ANKRD44: variants seen among roughly 807,000 people sequenced by gnomAD.
ANKRD44 encodes serine/threonine-protein phosphatase 6 regulatory ankyrin repeat subunit B.
A neutral mutation model predicts 116.0 loss-of-function variants in ANKRD44; 35 were observed. The observed-to-expected ratio is 0.30, with a 90% CI of 0.23 to 0.40. The LOEUF (loss-of-function observed/expected upper bound fraction) is 0.40. Ranked by LOEUF, ANKRD44 falls within the 10% of genes least tolerant of loss-of-function variation. The pLI is 1.00. For synonymous variants in ANKRD44, 435 were observed against 461.8 expected, an observed-to-expected ratio of 0.94 and a Z score of 0.74; for missense variants, 1,014 against 1,242.6, an observed-to-expected ratio of 0.82 and a Z score of 2.77.
intron 1 of ANKRD44, among the ~76,000 whole-genome samples, chr2:197,188,580 G>A (rs1456267383): frequency 1.3e-5 from 2 of 152,176 alleles, no homozygotes; most frequent in African/African-American, 2.4e-5. Context: ...GATCATCGCT[G>A]CCTAACCTCC....
chr2:197,189,976 G>A (rs2080783710), intron 1 of ANKRD44, among the ~76,000 whole-genome samples: 1 of 152,152 alleles, frequency 6.6e-6, no homozygotes, highest in African/African-American at 2.4e-5. Flanking sequence ...ACCAAGGAGA[G>A]GCATCCCAAA....
chr2:197,063,455 A>G (rs1284329890), intron 16 of ANKRD44, among the ~76,000 whole-genome samples: 1 of 152,236 alleles, frequency 6.6e-6, no homozygotes, highest in Non-Finnish European at 1.5e-5. Flanking sequence ...TGGACGGAGA[A>G]CGACTTTGAC....
chr2:197,132,004 C>T (rs1299567801), intron 4 of ANKRD44, among the ~76,000 whole-genome samples: 1 of 152,154 alleles, frequency 6.6e-6, no homozygotes, highest in African/African-American at 2.4e-5. Context: ...CACTGGCAGC[C>T]CCAATTCTTG....
intron 1 of ANKRD44, among the ~76,000 whole-genome samples, chr2:197,223,836 A>AT (rs1190361402): frequency 6.6e-6 from 1 of 152,218 alleles, no homozygotes; most frequent in Non-Finnish European, 1.5e-5. Flanking sequence ...TTTGATGGCT[A>AT]TATCTATTTG....
In ANKRD44 at chr2:197,110,766, C is replaced by G. The variant is rs754919453; in HGVS notation, c.985G>C (p.Gly329Arg). 6.2e-7 allele frequency: 1 copy of G among 1,612,394 alleles called. No individual in the cohort carries two copies. The highest frequency in any genetic ancestry group is 1.1e-5 in the South Asian group (1 of 91,030). The change falls in exon 9 of 28, where the codon GGA (glycine) becomes CGA (arginine). Residue 329 changes from glycine (G) to arginine (R), a missense_variant and splice_region_variant. Transcript: ENST00000282272. ...GACACTACTGAAGCATCTCTCTTAC[C>G]ATTCTGAATGAGGGTCTGTGACCGT... ...FTRSQTLIQNGGEIDCVDKDG... is the reference protein window; with the variant it reads ...FTRSQTLIQNRGEIDCVDKDG...
At chr2:197,239,358 A>C (rs1424348872) in intron 1 of ANKRD44, among the ~76,000 whole-genome samples, 2 of 152,048 alleles carry the variant, frequency 1.3e-5, no homozygotes, top group African/African-American at 2.4e-5. Context: ...CAGCCTTCCA[A>C]GTAGCTGGGA....
intron 16 of ANKRD44, among the ~76,000 whole-genome samples, chr2:197,045,579 A>G (rs1240287071): frequency 6.6e-6 from 1 of 152,216 alleles, no homozygotes; most frequent in Admixed American, 6.5e-5. Flanking sequence ...GGAAGAAAGC[A>G]AGAGAGTCTG....
intron 9 of ANKRD44, among the ~76,000 whole-genome samples, chr2:197,108,871 C>CAACAACAAAAAAAA (rs936579634): frequency 6.6e-6 from 1 of 150,566 alleles, no homozygotes; most frequent in African/African-American, 2.5e-5. Flanking sequence ...ACAACAACAA[C>CAACAACAAAAAAAA]AAAAACACAA....
chr2:197,229,519 T>C (rs2081805802), intron 1 of ANKRD44, among the ~76,000 whole-genome samples: 1 of 152,212 alleles, frequency 6.6e-6, no homozygotes, highest in Non-Finnish European at 1.5e-5. Flanking sequence ...ATGAATTAAA[T>C]AACAATAACT....
intron 1 of ANKRD44, among the ~76,000 whole-genome samples, chr2:197,219,000 C>T (rs899175942): frequency 6.7e-6 from 1 of 150,168 alleles, no homozygotes; most frequent in African/African-American, 2.5e-5. Context: ...CATCAGTGAC[C>T]CACCTGCCTT....
At chr2:197,129,807 C>T (rs1409573114) in intron 4 of ANKRD44, among the ~76,000 whole-genome samples, 1 of 152,178 alleles carries the variant, frequency 6.6e-6, no homozygotes, top group Non-Finnish European at 1.5e-5. Context: ...TCTTTACTCT[C>T]AAATGTGCAT....
rs1209075103 is a variant in ANKRD44 at position 196,988,453 on chromosome 2, G to A, written c.*1138C>T. ...TTCAAAAAAACAATGGTGGTGGTGTGGAAAATTTTCAGTGAAATCAATACC... is the reference window on the plus strand; with the variant it reads ...TTCAAAAAAACAATGGTGGTGGTGTAGAAAATTTTCAGTGAAATCAATACC... On this transcript the variant is annotated 3_prime_UTR_variant, in exon 28 of 28. Transcript: ENST00000282272. 2.2e-5 allele frequency: 22 copies of A among 985,172 alleles called. No homozygotes were observed. In the Admixed American group the frequency reaches 1.4e-3, roughly 61 times the overall value. The allele number at this position is 985,172 out of a possible 1,614,324, so 61.0% of individuals were successfully genotyped here. A position where few individuals can be genotyped will look rare whatever the true frequency, so the allele number is the denominator to read the frequency against.
chr2:197,244,643 A>G (rs2082153339), intron 1 of ANKRD44, among the ~76,000 whole-genome samples: 1 of 152,226 alleles, frequency 6.6e-6, no homozygotes. Context: ...AAAAATCACA[A>G]CATTTACAAA....
intron 16 of ANKRD44, among the ~76,000 whole-genome samples, chr2:197,047,864 T>A (rs1445943888): frequency 1.3e-5 from 2 of 151,648 alleles, no homozygotes; most frequent in Non-Finnish European, 2.9e-5. Flanking sequence ...GAGCCAAGAT[T>A]GTGCCATTGC....
chr2:197,002,693 C>A (rs2076134935), intron 21 of ANKRD44, among the ~76,000 whole-genome samples: 1 of 152,130 alleles, frequency 6.6e-6, no homozygotes, highest in South Asian at 2.1e-4. Context: ...GGTGATGGTT[C>A]CCCAGCCTGA....
At chr2:197,030,880 T>G (rs968120145) in intron 16 of ANKRD44, among the ~76,000 whole-genome samples, 1 of 152,160 alleles carries the variant, frequency 6.6e-6, no homozygotes, top group Non-Finnish European at 1.5e-5. Context: ...TCTCACTATG[T>G]TGCCCAGGCT....
At position 197,232,614 on chromosome 2, in the gene ANKRD44, A is replaced by G. The variant is rs2081890232; in HGVS notation, c.28-45508T>C. On this transcript the variant is annotated intron_variant, in intron 1 of 27. Transcript: ENST00000282272. ...AAAATCTCTTTTTAATCACTTGTGC[A>G]AGTGCTGGTTTTGTGGGAGATGACT... Among the ~76,000 whole-genome samples the G allele has an allele frequency of 2.6e-5, 4 of 152,206 alleles. No individual in the cohort carries two copies. In the South Asian group the frequency reaches 8.3e-4, roughly 31 times the overall value.
At chr2:197,137,884 C>T (rs2079258473) in intron 3 of ANKRD44, among the ~76,000 whole-genome samples, 1 of 152,152 alleles carries the variant, frequency 6.6e-6, no homozygotes, top group South Asian at 2.1e-4. Flanking sequence ...AAGCTCCTTA[C>T]GTCAGTAAGG....
rs545289636 is a variant in ANKRD44 at position 197,122,767 on chromosome 2, G to A, written c.576C>T (p.Leu192=). ...AGGTCACTTCTGCGCCATGGTTAAT[G>A]AGCAATGCTACAACATCCAAGTGGC... is the stretch of plus-strand genomic sequence containing the variant. ...YMGHLDVVAL[L]INHGAEVTCK... Residue 192 remains leucine (L), a synonymous_variant, in exon 7 of 28, where the codon CTC becomes CTT. Coordinates refer to ENST00000282272, the MANE Select transcript of ANKRD44 (RefSeq NM_001195144.2). 1.2e-6 allele frequency: 2 copies of A among 1,614,062 alleles called. No individual in the cohort carries two copies. Among genetic ancestry groups the A allele is most frequent in the Admixed American group, 1.7e-5 (1 of 60,020 alleles).
Sources: allele counts gnomAD v4.1 joint callset (sites outside exome capture counted in the v4.1 genomes callset), GRCh38; gene constraint gnomAD v4.1.1; transcripts MANE v1.5; gene names NCBI Gene and HGNC (gene_info 2026-07-23, HGNC 2026-07-21).